DOCK2: variants seen among roughly 807,000 people sequenced by gnomAD.
DOCK2 encodes the protein dedicator of cytokinesis protein 2.
In DOCK2, 87 loss-of-function variants were observed where a neutral mutation model predicts 248.9. That is an observed-to-expected ratio of 0.35 (90% CI 0.29 to 0.42). The LOEUF (loss-of-function observed/expected upper bound fraction) is 0.42. DOCK2 is among the 10% of genes least tolerant of loss of function. The pLI, the probability that DOCK2 is intolerant of heterozygous loss-of-function variation, is 1.00. For synonymous variants in DOCK2, 805 were observed against 821.6 expected (o/e 0.98, Z 0.35); for missense variants, 1,747 against 2,300.2 (o/e 0.76, Z 4.92).
chr5:169,917,853 C>A (rs891976030), intron 27 of DOCK2, among the ~76,000 whole-genome samples: 2 of 152,160 alleles, frequency 1.3e-5, no homozygotes, highest in African/African-American at 4.8e-5. Flanking sequence ...TAAAGCTGGT[C>A]TTCCCTTTCC....
intron 27 of DOCK2, among the ~76,000 whole-genome samples, chr5:169,863,410 C>T (rs1398505499): frequency 1.3e-5 from 2 of 152,222 alleles, no homozygotes; most frequent in African/African-American, 2.4e-5. Context: ...GTTGCTGGAT[C>T]TCATGATTTT....
chr5:169,971,687 T>G (rs1242276586), intron 27 of DOCK2, among the ~76,000 whole-genome samples: 1 of 152,206 alleles, frequency 6.6e-6, no homozygotes, highest in Non-Finnish European at 1.5e-5. Flanking sequence ...GGTAGCTTTC[T>G]TTAGTTCTCA....
chr5:169,723,468 C>T (rs550298254), intron 22 of DOCK2, among the ~76,000 whole-genome samples: 1 of 152,276 alleles, frequency 6.6e-6, no homozygotes, highest in East Asian at 1.9e-4. Flanking sequence ...ACTTACTTAG[C>T]ACAGTGCTGG....
intron 1 of DOCK2, among the ~76,000 whole-genome samples, chr5:169,651,761 A>G (rs1757820300): frequency 6.6e-6 from 1 of 152,172 alleles, no homozygotes; most frequent in Admixed American, 6.5e-5. Context: ...GTGCGGAGGG[A>G]ATGAAGAAAC....
chr5:169,792,913 G>A (rs1766434968), intron 25 of DOCK2, among the ~76,000 whole-genome samples: 1 of 152,198 alleles, frequency 6.6e-6, no homozygotes, highest in South Asian at 2.1e-4. Flanking sequence ...CTAAGGAGCT[G>A]GATTTAATGA....
chr5:170,053,885 G>A (rs1581560265), intron 41 of DOCK2, among the ~76,000 whole-genome samples: 1 of 152,166 alleles, frequency 6.6e-6, no homozygotes, highest in Non-Finnish European at 1.5e-5. Flanking sequence ...TCTCTGCCAT[G>A]AAAAAGCTCA....
rs146912610 is a variant in DOCK2 at position 169,838,586 on chromosome 5, T to C, written c.2704-2171T>C. 4.0e-3 allele frequency among the ~76,000 whole-genome samples: 613 copies of C among 152,292 alleles called. 3 individuals carry two copies. The highest frequency in any genetic ancestry group is 0.01 in the Middle Eastern group (3 of 294). The stretch of plus-strand genomic sequence containing the variant: ...GGAAATCAGGAGAGAGGTTCATCTT[T>C]GGGCCAGAAATATGGGGAGATCTGT... On this transcript the variant is annotated intron_variant, in intron 26 of 51. Coordinates refer to ENST00000520908, the MANE Select transcript of DOCK2 (RefSeq NM_004946.3).
chr5:169,980,035 T>G (rs553620168), intron 27 of DOCK2, among the ~76,000 whole-genome samples: 2 of 152,294 alleles, frequency 1.3e-5, no homozygotes, highest in South Asian at 4.1e-4. Flanking sequence ...TTTTTCCCCC[T>G]TCAAATTCAA....
chr5:169,759,891 C>G (rs1480466252), intron 24 of DOCK2, 116 bp downstream of exon 24: 6 of 1,094,722 alleles, frequency 5.5e-6, no homozygotes, highest in Non-Finnish European at 8.1e-6. Context: ...TGGGGAAGAC[C>G]TGTGGCAGGG....
chr5:169,855,093 A>G (rs891236399), intron 27 of DOCK2, among the ~76,000 whole-genome samples: 8 of 152,246 alleles, frequency 5.3e-5, no homozygotes, highest in African/African-American at 1.9e-4. Context: ...GTACTCTGAC[A>G]GATTACTTAT....
chr5:169,702,495 T>C (rs1377780476), intron 14 of DOCK2, 68 bp downstream of exon 14: 3 of 1,592,112 alleles, frequency 1.9e-6, no homozygotes, highest in East Asian at 4.5e-5. Context: ...AAAGACGTAC[T>C]TTTCCTCTCC....
At chr5:169,722,998 T>G (rs894629682) in intron 22 of DOCK2, among the ~76,000 whole-genome samples, 2 of 152,244 alleles carry the variant, frequency 1.3e-5, no homozygotes, top group African/African-American at 4.8e-5. Context: ...CCTGATTCTG[T>G]GTGTTGCTCT....
intron 30 of DOCK2, among the ~76,000 whole-genome samples, chr5:169,999,244 G>GT: frequency 6.6e-6 from 1 of 152,170 alleles, no homozygotes; most frequent in South Asian, 2.1e-4. Context: ...GGGCTTGCAA[G>GT]CTGAGTGACT....
chr5:169,954,128 A>T (rs532716736), intron 27 of DOCK2, among the ~76,000 whole-genome samples: 2 of 152,210 alleles, frequency 1.3e-5, no homozygotes, highest in Non-Finnish European at 2.9e-5. Flanking sequence ...CCCACATTTC[A>T]CATTAATTAT....
intron 27 of DOCK2, among the ~76,000 whole-genome samples, chr5:169,844,037 A>G (rs1348048539): frequency 6.6e-6 from 1 of 152,210 alleles, no homozygotes; most frequent in African/African-American, 2.4e-5. Flanking sequence ...TGTTGTATGA[A>G]TGTGTTTTGA....
intron 32 of DOCK2, among the ~76,000 whole-genome samples, chr5:170,014,061 T>C (rs945094212): frequency 6.6e-5 from 10 of 151,928 alleles, no homozygotes; most frequent in Non-Finnish European, 2.9e-5. Flanking sequence ...AATCCCTGAA[T>C]TGGAAGGAGG....
Position 169,761,606 on chromosome 5 carries a change from C to A in DOCK2, c.2535C>A (p.Ser845Arg). The A allele has an allele frequency of 1.2e-6, 2 of 1,614,002 alleles. No individual in the cohort carries two copies. Among genetic ancestry groups the A allele is most frequent in the Non-Finnish European group, 1.7e-6 (2 of 1,179,902 alleles). The change falls in exon 25 of 52, where the codon AGC becomes AGA. Residue 845 changes from serine (S) to arginine (R), a missense_variant. Coordinates refer to ENST00000520908, the MANE Select transcript of DOCK2 (RefSeq NM_004946.3). ...AGTCTATGAATGAGATAGTCCAGAG[C>A]AACCTCTTTAAAAAGCAAGGTGAGT... is the stretch of plus-strand genomic sequence containing the variant. ...KVQSMNEIVQSNLFKKQECRD... is the reference protein window; with the variant it reads ...KVQSMNEIVQRNLFKKQECRD...
intron 22 of DOCK2, among the ~76,000 whole-genome samples, chr5:169,741,832 C>T (rs1167992522): frequency 1.4e-4 from 16 of 117,524 alleles, no homozygotes; most frequent in South Asian, 2.8e-4. Flanking sequence ...TTTTTTGAGA[C>T]GGAGTCTCGC....
chr5:169,840,399 G>T (rs754455835), intron 26 of DOCK2, among the ~76,000 whole-genome samples: 1 of 152,124 alleles, frequency 6.6e-6, no homozygotes, highest in Non-Finnish European at 1.5e-5. Context: ...CTGAGATTTC[G>T]CCGGGGACAC....
Sources: gnomAD v4.1 joint callset for allele counts (sites outside exome capture counted in the v4.1 genomes callset) on GRCh38, gnomAD v4.1.1 for gene constraint, MANE v1.5 for transcripts, NCBI Gene and HGNC (gene_info 2026-07-23, HGNC 2026-07-21) for gene names.